Variants in MYH10 observed in about 807,000 individuals in gnomAD.
The protein encoded by MYH10 is myosin-10.
MYH10 carries 55 observed loss-of-function variants against 257.8 expected under a neutral mutation model. The ratio of observed to expected loss-of-function variants is 0.21; its 90% CI spans 0.17 to 0.27. The LOEUF is 0.27. Among genes scored for constraint, MYH10 ranks in the 10% least tolerant of loss-of-function variants. MYH10 has a pLI of 1.00. For synonymous variants in MYH10, 854 were observed against 921.7 expected, an observed-to-expected ratio of 0.93 and a Z score of 1.33; for missense variants, 1,631 against 2,500.6, an observed-to-expected ratio of 0.65 and a Z score of 7.42.
At chr17:8,502,143 C>G (rs1436490525) in intron 28 of MYH10, among the ~76,000 whole-genome samples, 1 of 152,240 alleles carries the variant, frequency 6.6e-6, no homozygotes. Context: ...GATTTACACA[C>G]TGATTCCCGT....
chr17:8,538,073 G>A (rs774560307), intron 14 of MYH10, among the ~76,000 whole-genome samples: 5 of 152,206 alleles, frequency 3.3e-5, no homozygotes, highest in Non-Finnish European at 7.3e-5. Context: ...CTTCTAGAAA[G>A]TATTGTTTTC....
intron 16 of MYH10, among the ~76,000 whole-genome samples, chr17:8,534,980 G>A (rs909756696): frequency 5.3e-4 from 80 of 152,230 alleles, no homozygotes; most frequent in African/African-American, 1.8e-3. Flanking sequence ...ACTGGGTGTC[G>A]CGGCGGGTGC....
At chr17:8,521,503 C>T in intron 17 of MYH10, 1 of 557,688 alleles carries the variant, frequency 1.8e-6, no homozygotes, top group Non-Finnish European at 3.2e-6. Context: ...GACAGCTCCA[C>T]ACCAACACAC....
At chr17:8,546,041 T>C (rs1017876800) in intron 12 of MYH10, among the ~76,000 whole-genome samples, 7 of 152,076 alleles carry the variant, frequency 4.6e-5, no homozygotes, top group African/African-American at 1.7e-4. Context: ...TTACTTTTTT[T>C]AAAAAATCAC....
At chr17:8,584,526 T>C (rs1481641468) in intron 4 of MYH10, among the ~76,000 whole-genome samples, 2 of 152,112 alleles carry the variant, frequency 1.3e-5, no homozygotes, top group South Asian at 2.1e-4. Context: ...AGAGATAACA[T>C]TGATTAGTGA....
At chr17:8,574,338 T>C (rs1017307352) in intron 6 of MYH10, among the ~76,000 whole-genome samples, 1 of 152,132 alleles carries the variant, frequency 6.6e-6, no homozygotes, top group African/African-American at 2.4e-5. Context: ...CGCAAATACA[T>C]AGAGACAGAA....
At chr17:8,571,578 C>T (rs1230194569) in intron 6 of MYH10, among the ~76,000 whole-genome samples, 1 of 151,630 alleles carries the variant, frequency 6.6e-6, no homozygotes, top group Non-Finnish European at 1.5e-5. Flanking sequence ...GTCAGGAGAT[C>T]GAGACCATCC....
chr17:8,509,121 TCTTTTCTATCATTTTTACCGTAC>T (rs1157814459), intron 25 of MYH10, among the ~76,000 whole-genome samples: 10 of 152,224 alleles, frequency 6.6e-5, no homozygotes, highest in Non-Finnish European at 1.3e-4. Flanking sequence ...CCATTTTAAA[TCTTTTCTATCATTTTTACCGTAC>T]CTTTTCTATC....
Position 8,508,099 on chromosome 17 carries a change from C to T in MYH10, c.3214+455G>A, listed in dbSNP as rs1403354101. 3.3e-5 allele frequency among the ~76,000 whole-genome samples: 5 copies of T among 152,178 alleles called. No individual in the cohort carries two copies. The East Asian group carries it at 9.6e-4, about 29-fold the overall frequency. On this transcript the variant is annotated intron_variant, in intron 26 of 42. Coordinates refer to ENST00000360416, the MANE Select transcript of MYH10 (RefSeq NM_001256012.3). The stretch of plus-strand genomic sequence containing the variant: ...TCGCTGTGTTACCCAGGCTGTAGTG[C>T]GGTTGCATGATCATAGCTCACTACA...
intron 42 of MYH10, 72 bp downstream of exon 42, chr17:8,476,804 C>G: frequency 6.6e-7 from 1 of 1,503,976 alleles, no homozygotes; most frequent in Non-Finnish European, 8.9e-7. Flanking sequence ...CTTCCTCTGA[C>G]CAGCTGCACC....
At chr17:8,541,683 T>TAA (rs1450322430) in intron 14 of MYH10, among the ~76,000 whole-genome samples, 1 of 151,356 alleles carries the variant, frequency 6.6e-6, no homozygotes, top group Non-Finnish European at 1.5e-5. Flanking sequence ...TCTGGCAAAA[T>TAA]AAAAACATCT....
chr17:8,608,791 CTCTG>C (rs1275886609), intron 2 of MYH10, among the ~76,000 whole-genome samples: 2 of 152,120 alleles, frequency 1.3e-5, no homozygotes, highest in Non-Finnish European at 2.9e-5. Context: ...GCCCATCTTC[CTCTG>C]TCTATGATTG....
chr17:8,486,127 T>C (rs1048275475), intron 36 of MYH10, among the ~76,000 whole-genome samples: 4 of 152,162 alleles, frequency 2.6e-5, no homozygotes, highest in Middle Eastern at 6.8e-3. Context: ...CAAAGGCAAA[T>C]TTATAGAGAC....
rs11374 is a variant in MYH10 at position 8,513,583 on chromosome 17, C to G, written c.2700G>C (p.Thr900=). 1.2e-5 allele frequency: 20 copies of G among 1,613,906 alleles called. No individual in the cohort carries two copies. The highest frequency in any genetic ancestry group is 1.6e-5 in the Non-Finnish European group (19 of 1,179,964). The change falls in exon 23 of 43, where the codon ACG becomes ACC. Residue 900 remains threonine (T), a synonymous_variant. Transcript: ENST00000360416. The part of the protein sequence containing the change: ...EELLKVKEKQ[T]KVEGELEEME... Reference sequence around the variant, plus strand: ...TCTCCTCCAGCTCTCCTTCCACCTTCGTCTGCTTCTCCTTCACCTTCAACA... The same window carrying G: ...TCTCCTCCAGCTCTCCTTCCACCTTGGTCTGCTTCTCCTTCACCTTCAACA...
chr17:8,592,589 C>T (rs1176865719), intron 3 of MYH10, among the ~76,000 whole-genome samples: 1 of 151,496 alleles, frequency 6.6e-6, no homozygotes, highest in Non-Finnish European at 1.5e-5. Context: ...ACCACTAAAA[C>T]TCACTCAAGA....
At chr17:8,628,166 A>G (rs1358500736) in intron 1 of MYH10, among the ~76,000 whole-genome samples, 1 of 152,262 alleles carries the variant, frequency 6.6e-6, no homozygotes, top group East Asian at 1.9e-4. Context: ...ACTTAGGGGA[A>G]ATAAAGACAA....
At chr17:8,627,685 G>GT (rs1353900350) in intron 1 of MYH10, among the ~76,000 whole-genome samples, 1 of 152,168 alleles carries the variant, frequency 6.6e-6, no homozygotes, top group Non-Finnish European at 1.5e-5. Flanking sequence ...TAATACTGGT[G>GT]TTTAACAGTG....
At chr17:8,502,550 T>C (rs1031616751) in intron 28 of MYH10, among the ~76,000 whole-genome samples, 2 of 152,066 alleles carry the variant, frequency 1.3e-5, no homozygotes, top group Admixed American at 6.6e-5. Context: ...AACCTTCATC[T>C]TCTCTTCTCC....
intron 1 of MYH10, among the ~76,000 whole-genome samples, chr17:8,626,187 A>G (rs1315727561): frequency 1.3e-5 from 2 of 152,230 alleles, no homozygotes; most frequent in Non-Finnish European, 2.9e-5. Flanking sequence ...TACATTCTGC[A>G]TAACAGTTTT....
Sources: allele counts gnomAD v4.1 joint callset (sites outside exome capture counted in the v4.1 genomes callset), GRCh38; gene constraint gnomAD v4.1.1; transcripts MANE v1.5; gene names NCBI Gene and HGNC (gene_info 2026-07-23, HGNC 2026-07-21).